LRBA: variants seen among roughly 807,000 people sequenced by gnomAD.
LRBA encodes the protein lipopolysaccharide-responsive and beige-like anchor protein.
LRBA carries 176 observed loss-of-function variants against 330.0 expected under a neutral mutation model. The observed-to-expected ratio is 0.53, with a 90% CI of 0.47 to 0.60. LRBA has a LOEUF of 0.60. Ranked by LOEUF, LRBA falls within the 20% of genes least tolerant of loss-of-function variation. The pLI is 0.00. For missense variants in LRBA, 3,259 were observed against 3,444.8 expected (o/e 0.95, Z 1.35); for synonymous variants, 1,230 against 1,193.0 (o/e 1.03, Z -0.64).
chr4:150,689,681 T>G (rs1475324900), intron 36 of LRBA, among the ~76,000 whole-genome samples: 2 of 152,094 alleles, frequency 1.3e-5, no homozygotes, highest in Non-Finnish European at 2.9e-5. Flanking sequence ...ATCTCAGCAC[T>G]TAGGGAGGCT....
chr4:150,601,722 C>T (rs979686283), intron 37 of LRBA, among the ~76,000 whole-genome samples: 1 of 151,786 alleles, frequency 6.6e-6, no homozygotes, highest in Non-Finnish European at 1.5e-5. Flanking sequence ...GTTGGAGTCT[C>T]GCTCTGTCAC....
intron 47 of LRBA, among the ~76,000 whole-genome samples, chr4:150,388,000 C>G (rs1389054063): frequency 6.6e-6 from 1 of 152,154 alleles, no homozygotes; most frequent in East Asian, 1.9e-4. Flanking sequence ...AATAAAATAC[C>G]TCAGATTGTG....
chr4:150,303,540 A>G (rs190830426), intron 52 of LRBA, among the ~76,000 whole-genome samples: 5 of 152,290 alleles, frequency 3.3e-5, no homozygotes, highest in Non-Finnish European at 1.5e-5. Context: ...GTGTCAGAAA[A>G]AAAGTAAAGC....
intron 48 of LRBA, among the ~76,000 whole-genome samples, chr4:150,340,411 C>T (rs1032378157): frequency 2.0e-5 from 3 of 152,098 alleles, no homozygotes; most frequent in Non-Finnish European, 4.4e-5. Context: ...TCATACTGCA[C>T]CAACATTAAA....
At chr4:150,660,350 G>T (rs1780876627) in intron 37 of LRBA, among the ~76,000 whole-genome samples, 1 of 72,954 alleles carries the variant, frequency 1.4e-5, no homozygotes, top group Non-Finnish European at 2.8e-5. Flanking sequence ...GGAGGGAGGT[G>T]GGGGGGGTCA....
chr4:150,629,678 A>G (rs905039259), intron 37 of LRBA, among the ~76,000 whole-genome samples: 6 of 145,662 alleles, frequency 4.1e-5, no homozygotes, highest in African/African-American at 1.5e-4. Flanking sequence ...ATAAAGAAAT[A>G]CATATTGCAA....
intron 40 of LRBA, among the ~76,000 whole-genome samples, chr4:150,506,130 C>A (rs1201455788): frequency 1.3e-5 from 2 of 152,212 alleles, no homozygotes; most frequent in Non-Finnish European, 2.9e-5. Context: ...GGATTCACAG[C>A]TGAATTCTAC....
chr4:150,991,091 G>GGAGGAAGA (rs932381177), intron 2 of LRBA, among the ~76,000 whole-genome samples: 1 of 149,970 alleles, frequency 6.7e-6, no homozygotes, highest in African/African-American at 2.4e-5. Context: ...AAGAAAAAGA[G>GGAGGAAGA]GAGGAAGAGG....
At chr4:150,861,817 T>A (rs1242058630) in intron 22 of LRBA, among the ~76,000 whole-genome samples, 1 of 152,098 alleles carries the variant, frequency 6.6e-6, no homozygotes, top group Non-Finnish European at 1.5e-5. Flanking sequence ...ATTGTACAGT[T>A]GTAAAAAGAT....
At chr4:150,577,481 T>C (rs530111254) in intron 40 of LRBA, among the ~76,000 whole-genome samples, 3 of 152,012 alleles carry the variant, frequency 2.0e-5, no homozygotes, top group Non-Finnish European at 2.9e-5. Context: ...ACTAAAAATG[T>C]AGCACCCACA....
At chr4:150,789,051 G>A (rs971391372) in intron 34 of LRBA, among the ~76,000 whole-genome samples, 2 of 152,144 alleles carry the variant, frequency 1.3e-5, no homozygotes, top group Non-Finnish European at 2.9e-5. Context: ...TCTAGCCTGG[G>A]TGACAGAGTG....
At chr4:150,850,201 C>G (rs538961299) in intron 24 of LRBA, among the ~76,000 whole-genome samples, 1 of 151,694 alleles carries the variant, frequency 6.6e-6, no homozygotes, top group East Asian at 1.9e-4. Context: ...TCACACCATT[C>G]TCCTACCTCA....
At chr4:150,598,584 A>T (rs966522851) in intron 38 of LRBA, among the ~76,000 whole-genome samples, 2 of 152,154 alleles carry the variant, frequency 1.3e-5, no homozygotes, top group Non-Finnish European at 2.9e-5. Flanking sequence ...CCAGTTCATG[A>T]TCTCATGCTA....
chr4:150,827,753 C>A (rs1231885310), intron 30 of LRBA, among the ~76,000 whole-genome samples: 1 of 151,938 alleles, frequency 6.6e-6, no homozygotes, highest in Admixed American at 6.6e-5. Context: ...AGGCACACCC[C>A]ACCATGCCCA....
intron 2 of LRBA, among the ~76,000 whole-genome samples, chr4:150,998,809 G>A (rs77493818): frequency 6.6e-6 from 1 of 151,782 alleles, no homozygotes; most frequent in African/African-American, 2.4e-5. Flanking sequence ...TAAGCATTTG[G>A]GAAAGAAGAA....
chr4:150,381,234 T>G (rs1241866134), intron 47 of LRBA, among the ~76,000 whole-genome samples: 2 of 152,150 alleles, frequency 1.3e-5, no homozygotes, highest in Non-Finnish European at 2.9e-5. Context: ...GAATTCATCC[T>G]TTAAAGTGTA....
chr4:150,959,371 G>C (rs1737887818), intron 2 of LRBA, among the ~76,000 whole-genome samples: 1 of 149,140 alleles, frequency 6.7e-6, no homozygotes, highest in African/African-American at 2.6e-5. Flanking sequence ...GAAAGATTTT[G>C]GTGGGGACAC....
At chr4:150,611,894 GCTCT>G (rs375534683) in intron 37 of LRBA, among the ~76,000 whole-genome samples, 1 of 151,376 alleles carries the variant, frequency 6.6e-6, no homozygotes, top group African/African-American at 2.4e-5. Flanking sequence ...ATTTCTACGC[GCTCT>G]CTCTCTCTCT....
At chr4:150,501,602 C>T (rs960289216) in intron 40 of LRBA, among the ~76,000 whole-genome samples, 2 of 149,918 alleles carry the variant, frequency 1.3e-5, no homozygotes, top group African/African-American at 4.9e-5. Context: ...AAGACCCCAT[C>T]TCAAAAAAAA....
Sources: gnomAD v4.1 joint callset for allele counts (sites outside exome capture counted in the v4.1 genomes callset) on GRCh38, gnomAD v4.1.1 for gene constraint, MANE v1.5 for transcripts, NCBI Gene and HGNC (gene_info 2026-07-23, HGNC 2026-07-21) for gene names.